The following UBAC2 variants were observed in gnomAD, a reference collection of about 807,000 sequenced individuals.
The protein encoded by UBAC2 is ubiquitin-associated domain-containing protein 2.
A neutral mutation model predicts 44.0 loss-of-function variants in UBAC2; 26 were observed. The ratio of observed to expected loss-of-function variants is 0.59; its 90% CI spans 0.43 to 0.82. UBAC2 has a LOEUF of 0.82. Among genes scored for constraint, UBAC2 ranks in the 40% least tolerant of loss-of-function variants. The pLI is 0.00. For missense variants in UBAC2, 329 were observed against 419.4 expected, an observed-to-expected ratio of 0.78 and a Z score of 1.88; for synonymous variants, 155 against 154.3, an observed-to-expected ratio of 1.00 and a Z score of -0.04.
At chr13:99,337,287 G>A (rs1292233673) in intron 6 of UBAC2, among the ~76,000 whole-genome samples, 1 of 151,788 alleles carries the variant, frequency 6.6e-6, no homozygotes, top group Non-Finnish European at 1.5e-5. Context: ...CCTATTCATG[G>A]AACTGGTATC....
At chr13:99,350,448 A>C (rs1039622142) in intron 7 of UBAC2, among the ~76,000 whole-genome samples, 3 of 152,180 alleles carry the variant, frequency 2.0e-5, no homozygotes, top group African/African-American at 7.2e-5. Context: ...TTGATCACCA[A>C]TGGCCAGTGA....
intron 2 of UBAC2, among the ~76,000 whole-genome samples, chr13:99,241,920 T>C (rs2043305457): frequency 6.7e-6 from 1 of 149,634 alleles, no homozygotes; most frequent in Admixed American, 6.7e-5. Flanking sequence ...GTACTTGAGA[T>C]TAGGGAGTGG....
At chr13:99,255,945 G>T in intron 4 of UBAC2, 1 of 1,366,800 alleles carries the variant, frequency 7.3e-7, no homozygotes, top group Non-Finnish European at 9.8e-7. Flanking sequence ...TAAAATCGTT[G>T]GTTAAAAAAT....
At chr13:99,247,890 A>C (rs2043408320) in intron 4 of UBAC2, among the ~76,000 whole-genome samples, 1 of 141,254 alleles carries the variant, frequency 7.1e-6, no homozygotes, top group African/African-American at 2.6e-5. Context: ...TTTTTACCTC[A>C]CCACTATATA....
chr13:99,335,274 T>C (rs1397318863), intron 6 of UBAC2, among the ~76,000 whole-genome samples: 3 of 152,252 alleles, frequency 2.0e-5, no homozygotes, highest in Non-Finnish European at 4.4e-5. Flanking sequence ...AACATTTTGC[T>C]ATCTTCTGCT....
At position 99,243,826 on chromosome 13, in the gene UBAC2, A is replaced by T. The variant is rs912089175; in HGVS notation, c.160-6A>T. ...GTTTATTGTTCTTTTTTAAATCCCC[A>T]TCTAGATTTGGAGGTTGATATGTGG... On this transcript the variant is annotated splice_polypyrimidine_tract_variant and splice_region_variant and intron_variant, in intron 2 of 8. Coordinates refer to ENST00000403766, the MANE Select transcript of UBAC2 (RefSeq NM_001144072.2). 24 of 1,560,640 alleles carry T rather than the reference A, an allele frequency of 1.5e-5. No individual in the cohort carries two copies. In the Admixed American group the frequency reaches 3.4e-4, roughly 22 times the overall value.
intron 8 of UBAC2, among the ~76,000 whole-genome samples, chr13:99,381,736 C>T (rs2045554757): frequency 6.6e-6 from 1 of 152,174 alleles, no homozygotes; most frequent in African/African-American, 2.4e-5. Context: ...AGTCCTCCAG[C>T]CCCTCTCCCT....
intron 4 of UBAC2, among the ~76,000 whole-genome samples, chr13:99,297,549 A>G (rs1201342440): frequency 2.6e-5 from 4 of 152,152 alleles, no homozygotes; most frequent in African/African-American, 9.7e-5. Flanking sequence ...TTAGCAGAGG[A>G]TTGTGGTCAT....
intron 1 of UBAC2, among the ~76,000 whole-genome samples, chr13:99,223,581 C>T (rs1461800616): frequency 8.2e-6 from 1 of 122,406 alleles, no homozygotes; most frequent in African/African-American, 3.0e-5. Flanking sequence ...TTGTAACCTA[C>T]ACCATTATGT....
chr13:99,268,611 C>CAAAAA (rs756827927), intron 4 of UBAC2, among the ~76,000 whole-genome samples: 19 of 75,696 alleles, frequency 2.5e-4, no homozygotes, highest in Admixed American at 6.2e-4. Context: ...GACTCTGTCT[C>CAAAAA]AAAAAAAAAA....
In UBAC2 at chr13:99,249,964, C is replaced by A. The variant is rs533242069; in HGVS notation, c.389+5340C>A. Among the ~76,000 whole-genome samples, 287 of 152,242 alleles carry A rather than the reference C, an allele frequency of 1.9e-3. 3 individuals carry two copies. The highest frequency in any genetic ancestry group is 2.8e-3 in the Non-Finnish European group (193 of 68,008). On this transcript the variant is annotated intron_variant, in intron 4 of 8. Transcript: ENST00000403766. ...TTCCTTACAGATTCTGGACATTAGA[C>A]CTTTGTCAGATGCAGTTTGTGAGTA...
At chr13:99,335,812 TC>T (rs538887712) in intron 6 of UBAC2, among the ~76,000 whole-genome samples, 31 of 152,248 alleles carry the variant, frequency 2.0e-4, no homozygotes, top group African/African-American at 7.5e-4. Context: ...GCCACATTGC[TC>T]CCCAGAGGCG....
At chr13:99,242,623 A>G (rs1163680794) in intron 2 of UBAC2, among the ~76,000 whole-genome samples, 6 of 20,946 alleles carry the variant, frequency 2.9e-4, no homozygotes, top group South Asian at 1.6e-3. Context: ...GTGGCTGGCC[A>G]GGCGGGGGGC....
intron 2 of UBAC2, among the ~76,000 whole-genome samples, chr13:99,242,795 G>T (rs1176950516): frequency 1.4e-5 from 2 of 145,862 alleles, no homozygotes; most frequent in Non-Finnish European, 1.5e-5. Flanking sequence ...CTTCCCAGAC[G>T]GGGTGGCTGC....
rs142437132 is a variant in UBAC2, at chr13:99,255,106, A to G, written c.389+10482A>G. ...GTAACTGTTCTCCCCCGTTCCCAGC[A>G]TCAGGAAAGCGAAACAGATGTGGAA... On this transcript the variant is annotated intron_variant, in intron 4 of 8. Coordinates refer to ENST00000403766, the MANE Select transcript of UBAC2 (RefSeq NM_001144072.2). 3 of 1,614,058 alleles carry G rather than the reference A, an allele frequency of 1.9e-6. No individual in the cohort carries two copies. The African/African-American group carries it at 4.0e-5, about 22-fold the overall frequency.
chr13:99,333,759 C>A (rs551620805), intron 6 of UBAC2, among the ~76,000 whole-genome samples: 2 of 152,070 alleles, frequency 1.3e-5, no homozygotes, highest in Admixed American at 1.3e-4. Flanking sequence ...TGTATACTCA[C>A]GTCTGATTGT....
intron 1 of UBAC2, among the ~76,000 whole-genome samples, chr13:99,206,278 G>A (rs1026896021): frequency 2.6e-5 from 4 of 152,230 alleles, no homozygotes; most frequent in Admixed American, 1.3e-4. Flanking sequence ...GGACTCCAGA[G>A]GTGGGGGGAC....
chr13:99,308,862 G>A (rs934932633), intron 4 of UBAC2: 1 of 152,102 alleles, frequency 6.6e-6, no homozygotes, highest in Non-Finnish European at 1.5e-5. Flanking sequence ...ATTCTATGAG[G>A]GGGTAATACA....
At chr13:99,338,129 C>T (rs2044828124) in intron 6 of UBAC2, among the ~76,000 whole-genome samples, 1 of 131,460 alleles carries the variant, frequency 7.6e-6, no homozygotes, top group Admixed American at 9.2e-5. Flanking sequence ...ACAATCTCGA[C>T]TTACTGTAAC....
Sources: gnomAD v4.1 joint callset for allele counts (sites outside exome capture counted in the v4.1 genomes callset) on GRCh38, gnomAD v4.1.1 for gene constraint, MANE v1.5 for transcripts, NCBI Gene and HGNC (gene_info 2026-07-23, HGNC 2026-07-21) for gene names.